GATD1: variants seen among roughly 807,000 people sequenced by gnomAD.
The protein encoded by GATD1 is glutamine amidotransferase class 1 domain containing 1, also known as glutamine amidotransferase-like class 1 domain-containing protein 1.
A neutral mutation model predicts 25.9 loss-of-function variants in GATD1; 23 were observed. That is an observed-to-expected ratio of 0.89 (90% confidence interval 0.64 to 1.26). The LOEUF is 1.26. Among genes scored for constraint, GATD1 ranks in the 50% most tolerant of loss-of-function variants. The probability of loss-of-function intolerance (pLI) is 0.00; values close to 1 mark genes in which losing one functional copy is unlikely to be tolerated. For synonymous variants in GATD1, 177 were observed against 134.6 expected (o/e 1.31, Z -2.18); for missense variants, 347 against 312.5 (o/e 1.11, Z -0.83).
chr11:770,056 G>A lies in GATD1; in HGVS notation c.*841C>T. The A allele has an allele frequency of 8.6e-7, 1 of 1,162,802 alleles. No individual in the cohort carries two copies. Among genetic ancestry groups the A allele is most frequent in the Non-Finnish European group, 1.1e-6 (1 of 944,610 alleles). 72.0% of individuals were successfully genotyped at this position (1,162,802 alleles called of 1,614,324 possible). A position where few individuals can be genotyped will look rare whatever the true frequency, so the allele number is the denominator to read the frequency against. ...CTTCGATGGCTCAAACTGGGGAACT[G>A]TGAGGAAGTAGAGGGCCTAAGCCTC... On this transcript the variant is annotated 3_prime_UTR_variant, in exon 8 of 8. Coordinates refer to ENST00000319863, the MANE Select transcript of GATD1 (RefSeq NM_182612.4).
At position 770,090 on chromosome 11, in the gene GATD1, G is replaced by A. The variant is rs146208426; in HGVS notation, c.*807C>T. On this transcript the variant is annotated 3_prime_UTR_variant, in exon 8 of 8. Coordinates refer to ENST00000319863, the MANE Select transcript of GATD1 (RefSeq NM_182612.4). ...TAGAGGGCCTAAGCCTCTCCTGGAC[G>A]CCCTAACCTGGGGCCAGGGGGCAGC... is the stretch of plus-strand genomic sequence containing the variant. The A allele has an allele frequency of 7.9e-3, 9,529 of 1,206,876 alleles. 45 individuals carry two copies. Among genetic ancestry groups the A allele is most frequent in the Admixed American group, 9.5e-3 (220 of 23,230 alleles). 74.8% of individuals were successfully genotyped at this position (1,206,876 alleles called of 1,614,324 possible). A position where few individuals can be genotyped will look rare whatever the true frequency, so the allele number is the denominator to read the frequency against.
chr11:767,415 G>A lies in GATD1; in HGVS notation c.*3482C>T. 6.6e-7 allele frequency: 1 copy of A among 1,522,656 alleles called. No homozygotes were observed. Among genetic ancestry groups the A allele is most frequent in the Non-Finnish European group, 8.8e-7 (1 of 1,140,468 alleles). The allele number at this position is 1,522,656 out of a possible 1,614,324, so 94.3% of individuals were successfully genotyped here. A position where few individuals can be genotyped will look rare whatever the true frequency, so the allele number is the denominator to read the frequency against. On this transcript the variant is annotated 3_prime_UTR_variant, in exon 8 of 8. Coordinates refer to ENST00000319863, the MANE Select transcript of GATD1 (RefSeq NM_182612.4). ...TGTGCACAGCGGGGAGGCTCTCCAA[G>A]CCAGAGGCCTCGCACGCAGCTGAGG... is the stretch of plus-strand genomic sequence containing the variant.
rs746312389 is a variant in GATD1, at chr11:774,061, T to C, written c.194A>G (p.Gln65Arg). 6 of 1,613,628 alleles carry C rather than the reference T, an allele frequency of 3.7e-6. No individual in the cohort carries two copies. The African/African-American group carries it at 8.0e-5, about 22-fold the overall frequency. ...GGCGTAAGCCTTGAGGCGGAAGTCT[T>C]GCACCCAGCGTGCATTGCTCTCAGT... ...DVTESNARWV[Q>R]DFRLKAYASP... Residue 65 changes from glutamine (Q) to arginine (R), a missense_variant, in exon 3 of 8, where the codon CAA becomes CGA. Physicochemically the swap from Gln to Arg is conservative, Grantham distance 43. Transcript: ENST00000319863.
chr11:771,248 GC>G, intron 6 of GATD1, 84 bp downstream of exon 6: 1 of 1,554,694 alleles, frequency 6.4e-7, no homozygotes, highest in East Asian at 2.4e-5. Context: ...AGAACCCAGG[GC>G]CCAGGAGGCT....
In GATD1 at chr11:771,442, G is replaced by T. The variant is rs898826221; in HGVS notation, c.451-16C>A. ...ACACAGAGGGCTGCGGGAGCGGGGT[G>T]GGGGCTCCTGAGACAGGCCCAGGCC... On this transcript the variant is annotated splice_polypyrimidine_tract_variant and intron_variant, in intron 5 of 7. Coordinates refer to ENST00000319863, the MANE Select transcript of GATD1 (RefSeq NM_182612.4). 11 of 1,516,246 alleles carry T rather than the reference G, an allele frequency of 7.3e-6. No homozygotes were observed. The highest frequency in any genetic ancestry group is 9.7e-6 in the Non-Finnish European group (11 of 1,137,370). The allele number at this position is 1,516,246 out of a possible 1,614,324, so 93.9% of individuals were successfully genotyped here.
chr11:776,637 G>A (rs1864010662), intron 1 of GATD1: 1 of 152,452 alleles, frequency 6.6e-6, no homozygotes, highest in Admixed American at 6.5e-5. Flanking sequence ...AGGAGCTACA[G>A]ACTTCAAGAG....
chr11:773,984 C>T (rs1294055624), intron 3 of GATD1, 24 bp downstream of exon 3: 3 of 1,609,162 alleles, frequency 1.9e-6, no homozygotes, highest in Admixed American at 1.7e-5. Context: ...CACCCCACCC[C>T]CAAGGAGTGG....
Position 770,842 on chromosome 11 carries a change from G to A in GATD1, c.*55C>T. The A allele has an allele frequency of 6.4e-7, 1 of 1,562,268 alleles. No homozygotes were observed. The highest frequency in any genetic ancestry group is 8.7e-7 in the Non-Finnish European group (1 of 1,150,680). On this transcript the variant is annotated 3_prime_UTR_variant, in exon 8 of 8. Coordinates refer to ENST00000319863, the MANE Select transcript of GATD1 (RefSeq NM_182612.4). Reference sequence around the variant, plus strand: ...GGCGGGGTCCCTGAAGCCTGAGACGGGGCTGCCTCTGGAGACACCTGGGCT... The same window carrying A: ...GGCGGGGTCCCTGAAGCCTGAGACGAGGCTGCCTCTGGAGACACCTGGGCT...
rs1341157219 is a variant in GATD1, at chr11:777,424, C to T, written c.39G>A (p.Leu13=). 30 of 1,290,204 alleles carry T rather than the reference C, an allele frequency of 2.3e-5. No individual in the cohort carries two copies. Among genetic ancestry groups the T allele is most frequent in the Non-Finnish European group, 2.3e-5 (23 of 1,018,146 alleles). The allele number at this position is 1,290,204 out of a possible 1,614,324, so 79.9% of individuals were successfully genotyped here. Residue 13 remains leucine (L), a synonymous_variant, in exon 1 of 8, where the codon CTG becomes CTA. Transcript: ENST00000319863. The stretch of plus-strand genomic sequence containing the variant: ...CTTCGGCGGCGCCGCTGGCCACGAG[C>T]AGACAGGCGGGCCTGTTAGGGAGCC... The part of the protein sequence containing the change: ...SERLPNRPAC[L]LVASGAAEGV...
intron 2 of GATD1, among the ~76,000 whole-genome samples, chr11:774,383 A>G (rs1487544935): frequency 6.6e-6 from 1 of 152,262 alleles, no homozygotes; most frequent in Admixed American, 6.5e-5. Context: ...TACATAATGC[A>G]TCCTTACTAT....
chr11:773,639 G>A lies in GATD1; in HGVS notation c.248-10C>T. 6.3e-7 allele frequency: 1 copy of A among 1,593,298 alleles called. No homozygotes were observed. Among genetic ancestry groups the A allele is most frequent in the South Asian group, 1.1e-5 (1 of 89,298 alleles). Reference sequence around the variant, plus strand: ...GCATGGTACCGGGCACCTGGGGGGAGACCACAAACCAGGTAGCAGCCACAT... The same window carrying A: ...GCATGGTACCGGGCACCTGGGGGGAAACCACAAACCAGGTAGCAGCCACAT... On this transcript the variant is annotated splice_polypyrimidine_tract_variant and intron_variant, in intron 3 of 7. Transcript: ENST00000319863.
Position 772,355 on chromosome 11 carries a change from G to A in GATD1, c.450+72C>T, listed in dbSNP as rs981373563. On this transcript the variant is annotated intron_variant, in intron 5 of 7. Coordinates refer to ENST00000319863, the MANE Select transcript of GATD1 (RefSeq NM_182612.4). Reference sequence around the variant, plus strand: ...TCCAGGCACTCACCCTGGAGCCTCCGACCTCACCTCTGGCTGTGATGGGGG... The same window carrying A: ...TCCAGGCACTCACCCTGGAGCCTCCAACCTCACCTCTGGCTGTGATGGGGG... 1.7e-5 allele frequency: 16 copies of A among 955,096 alleles called. No individual in the cohort carries two copies. The East Asian group carries it at 1.9e-4, about 11-fold the overall frequency. 59.2% of individuals were successfully genotyped at this position (955,096 alleles called of 1,614,324 possible).
chr11:772,587 T>G lies in GATD1; in HGVS notation c.356-66A>C, dbSNP rs186957346. The G allele has an allele frequency of 1.8e-4, 263 of 1,445,964 alleles. No homozygotes were observed. In the African/African-American group the frequency reaches 3.4e-3, roughly 19 times the overall value. 89.6% of individuals were successfully genotyped at this position (1,445,964 alleles called of 1,614,324 possible). A position where few individuals can be genotyped will look rare whatever the true frequency, so the allele number is the denominator to read the frequency against. On this transcript the variant is annotated intron_variant, in intron 4 of 7. Transcript: ENST00000319863. ...CCCGCACCCTGAAGCCCCTCCCAGA[T>G]GCCCCTGCTTGTGGCTCCCCCAGGC...
chr11:770,139 C>G lies in GATD1; in HGVS notation c.*758G>C. 8.0e-7 allele frequency: 1 copy of G among 1,246,724 alleles called. No homozygotes were observed. The highest frequency in any genetic ancestry group is 1.0e-6 in the Non-Finnish European group (1 of 994,622). The allele number at this position is 1,246,724 out of a possible 1,614,324, so 77.2% of individuals were successfully genotyped here. On this transcript the variant is annotated 3_prime_UTR_variant, in exon 8 of 8. Transcript: ENST00000319863. ...GCCCGCTGGAGGGCCACAGCCCAGG[C>G]CAGGTGCCCAGCAGGCTGGACCACT...
Position 771,374 on chromosome 11 carries a change from A to G in GATD1, c.503T>C (p.Val168Ala), listed in dbSNP as rs777467355. 1.9e-6 allele frequency: 3 copies of G among 1,586,212 alleles called. No homozygotes were observed. The Admixed American group carries it at 5.4e-5, about 28-fold the overall frequency. ...RAPGFARLPL[V>A]VEDFVKDSGA... The stretch of plus-strand genomic sequence containing the variant: ...CGAATCCTTCACGAAGTCCTCCACC[A>G]CGAGCGGCAGGCGGGCGAAGCCGGG... The change falls in exon 6 of 8, where the codon GTG (valine) becomes GCG (alanine). Residue 168 changes from valine to alanine, a missense_variant. Physicochemically the swap from Val to Ala is moderately conservative, Grantham distance 64. Transcript: ENST00000319863.
At chr11:770,935 C>G in intron 7 of GATD1, 32 bp from the exon 8 acceptor site, 1 of 1,612,692 alleles carries the variant, frequency 6.2e-7, no homozygotes, top group Admixed American at 1.7e-5. Flanking sequence ...AAAGCTTGGG[C>G]AAAAGCACCG....
intron 1 of GATD1, among the ~76,000 whole-genome samples, chr11:775,365 C>T (rs747011829): frequency 5.9e-5 from 9 of 152,248 alleles, no homozygotes; most frequent in Non-Finnish European, 1.3e-4. Flanking sequence ...GGGGCACAGC[C>T]AGGTCTGCCA....
rs1430582385 is a variant in GATD1, at chr11:770,399, C to T, written c.*498G>A. ...GCCTTGGGGCAGGAGGCTGCTGCTC[C>T]TAAAAAATTCCGTTCACCTTTGGCC... is the stretch of plus-strand genomic sequence containing the variant. On this transcript the variant is annotated 3_prime_UTR_variant, in exon 8 of 8. Coordinates refer to ENST00000319863, the MANE Select transcript of GATD1 (RefSeq NM_182612.4). 6.6e-7 allele frequency: 1 copy of T among 1,522,720 alleles called. No individual in the cohort carries two copies. Among genetic ancestry groups the T allele is most frequent in the Non-Finnish European group, 8.8e-7 (1 of 1,141,252 alleles). 94.3% of individuals were successfully genotyped at this position (1,522,720 alleles called of 1,614,324 possible). A position where few individuals can be genotyped will look rare whatever the true frequency, so the allele number is the denominator to read the frequency against.
chr11:775,919 C>G (rs941921159), intron 1 of GATD1, among the ~76,000 whole-genome samples: 3 of 150,370 alleles, frequency 2.0e-5, no homozygotes, highest in African/African-American at 7.3e-5. Context: ...AGCTGTATCT[C>G]TCTACATTTA....
Sources: gnomAD v4.1 joint callset for allele counts (sites outside exome capture counted in the v4.1 genomes callset) on GRCh38, gnomAD v4.1.1 for gene constraint, MANE v1.5 for transcripts, NCBI Gene and HGNC (gene_info 2026-07-23, HGNC 2026-07-21) for gene names.